The following GTF2H1 variants were observed in gnomAD, a reference collection of about 807,000 sequenced individuals.
GTF2H1 encodes BTF2 p62.
In GTF2H1, 16 loss-of-function variants were observed where a neutral mutation model predicts 71.2. The ratio of observed to expected loss-of-function variants is 0.22; its 90% CI spans 0.15 to 0.34. The LOEUF is 0.34. Ranked by LOEUF, GTF2H1 falls within the 10% of genes least tolerant of loss-of-function variation. The pLI is 1.00. For missense variants in GTF2H1, 498 were observed against 648.2 expected (o/e 0.77, Z 2.52); for synonymous variants, 215 against 219.0 (o/e 0.98, Z 0.16).
At chr11:18,333,818 T>C (rs778373134) in intron 2 of GTF2H1, among the ~76,000 whole-genome samples, 5 of 152,230 alleles carry the variant, frequency 3.3e-5, no homozygotes, top group Non-Finnish European at 5.9e-5. Context: ...TGCTGATAGA[T>C]GATGCCAGAT....
chr11:18,346,733 C>CTTTTTT lies in GTF2H1; in HGVS notation c.838-838_838-833dup, dbSNP rs35494754. Among the ~76,000 whole-genome samples, 48 of 85,226 alleles carry CTTTTTT rather than the reference C, an allele frequency of 5.6e-4. 1 individual carries two copies. Among genetic ancestry groups the CTTTTTT allele is most frequent in the East Asian group, 2.5e-3 (6 of 2,430 alleles). The allele number at this position is 85,226 out of a possible 152,430, so 55.9% of individuals were successfully genotyped here. On this transcript the variant is annotated intron_variant, in intron 7 of 14. Coordinates refer to ENST00000265963, the MANE Select transcript of GTF2H1 (RefSeq NM_005316.4). ...CACTATATTCTATTCTTTTTATTTA[C>CTTTTTT]TTTTTTTTTTTTTTTTTTTTTTGAG...
At chr11:18,330,669 C>G (rs117819607) in intron 1 of GTF2H1, among the ~76,000 whole-genome samples, 1 of 152,292 alleles carries the variant, frequency 6.6e-6, no homozygotes, top group Non-Finnish European at 1.5e-5. Context: ...CCTGCTCCCA[C>G]CAGCCTGACT....
intron 7 of GTF2H1, among the ~76,000 whole-genome samples, chr11:18,345,718 A>G (rs1387173617): frequency 2.0e-5 from 3 of 151,514 alleles, no homozygotes; most frequent in South Asian, 2.1e-4. Flanking sequence ...TGAATTCCCA[A>G]CCTCAGGTGA....
chr11:18,365,062 T>A (rs1351482178), intron 14 of GTF2H1, among the ~76,000 whole-genome samples: 2 of 124,996 alleles, frequency 1.6e-5, no homozygotes, highest in Non-Finnish European at 1.6e-5. Flanking sequence ...AGAGTCCATC[T>A]CCACTATTTA....
At chr11:18,357,260 C>T (rs538848083) in intron 11 of GTF2H1, among the ~76,000 whole-genome samples, 3 of 152,274 alleles carry the variant, frequency 2.0e-5, no homozygotes, top group East Asian at 3.9e-4. Context: ...AGGCACTCAT[C>T]GAATAGATAG....
In GTF2H1 at chr11:18,366,316, T is replaced by C. The variant is rs1865822180; in HGVS notation, c.*447T>C. 1 of 155,422 alleles carries C rather than the reference T, an allele frequency of 6.4e-6. No homozygotes were observed. Among genetic ancestry groups the C allele is most frequent in the African/African-American group, 2.4e-5 (1 of 41,514 alleles). The allele number at this position is 155,422 out of a possible 1,614,324, so 9.6% of individuals were successfully genotyped here. A position where few individuals can be genotyped will look rare whatever the true frequency, so the allele number is the denominator to read the frequency against. On this transcript the variant is annotated 3_prime_UTR_variant, in exon 15 of 15. Transcript: ENST00000265963. ...TGTGTACATTTTTTTCCTAAGTTTA[T>C]GGCACAGGGTAGACCTTAAGTATTC... is the stretch of plus-strand genomic sequence containing the variant.
At chr11:18,344,011 A>T (rs1035035823) in intron 7 of GTF2H1, among the ~76,000 whole-genome samples, 2 of 152,060 alleles carry the variant, frequency 1.3e-5, no homozygotes, top group Non-Finnish European at 2.9e-5. Flanking sequence ...TTTTTTGTAG[A>T]GACAGGGTCT....
chr11:18,341,639 AAG>A lies in GTF2H1; in HGVS notation c.837+35_837+36del, dbSNP rs113102272. On this transcript the variant is annotated intron_variant, in intron 7 of 14. Coordinates refer to ENST00000265963, the MANE Select transcript of GTF2H1 (RefSeq NM_005316.4). ...AGCAATAAAAGAAGTTTTGAGAGAA[AAG>A]AGTCTTTTCCTAGTCTTCAACATTG... 11,028 of 1,387,938 alleles carry A rather than the reference AAG, an allele frequency of 7.9e-3. 386 individuals are homozygous for A. Among genetic ancestry groups the A allele is most frequent in the South Asian group, 0.077 (6,270 of 81,920 alleles). 86.0% of individuals were successfully genotyped at this position (1,387,938 alleles called of 1,614,324 possible).
chr11:18,359,234 A>C (rs1054288097), intron 13 of GTF2H1, among the ~76,000 whole-genome samples: 1 of 152,228 alleles, frequency 6.6e-6, no homozygotes, highest in African/African-American at 2.4e-5. Flanking sequence ...CAGATAAATT[A>C]CAGCTACAGT....
chr11:18,363,573 C>T (rs773970692), intron 14 of GTF2H1, among the ~76,000 whole-genome samples: 1 of 152,098 alleles, frequency 6.6e-6, no homozygotes, highest in African/African-American at 2.4e-5. Context: ...GGGAGTTTTA[C>T]AATTGAAAGC....
intron 4 of GTF2H1, among the ~76,000 whole-genome samples, chr11:18,339,005 GA>G (rs1439617266): frequency 6.6e-6 from 1 of 152,002 alleles, no homozygotes; most frequent in Non-Finnish European, 1.5e-5. Context: ...CCATATTATA[GA>G]AAATGTAAGA....
intron 3 of GTF2H1, among the ~76,000 whole-genome samples, chr11:18,337,895 C>T (rs1865070783): frequency 6.6e-6 from 1 of 152,118 alleles, no homozygotes; most frequent in East Asian, 1.9e-4. Context: ...TTACACCTAC[C>T]TCCATTTATC....
intron 7 of GTF2H1, among the ~76,000 whole-genome samples, chr11:18,344,985 C>T (rs763072679): frequency 6.6e-6 from 1 of 150,818 alleles, no homozygotes; most frequent in Non-Finnish European, 1.5e-5. Context: ...GTGGGAGGAT[C>T]GTTTGAGTCC....
rs537912138 is a variant in GTF2H1, at chr11:18,332,482, C to T, written c.-15-578C>T. ...AGGCATTATACCAATGAATCATGGC[C>T]AAGACGTGGAGAGCAGTTGAAGACA... On this transcript the variant is annotated intron_variant, in intron 1 of 14. Coordinates refer to ENST00000265963, the MANE Select transcript of GTF2H1 (RefSeq NM_005316.4). Among the ~76,000 whole-genome samples the T allele has an allele frequency of 7.2e-5, 11 of 152,254 alleles. No homozygotes were observed. In the South Asian group the frequency reaches 2.1e-3, roughly 29 times the overall value.
intron 14 of GTF2H1, among the ~76,000 whole-genome samples, chr11:18,364,873 A>G (rs965899193): frequency 4.6e-5 from 7 of 152,138 alleles, no homozygotes; most frequent in Non-Finnish European, 8.8e-5. Flanking sequence ...CTTGGGTCTC[A>G]TCCCAGGCCT....
chr11:18,347,708 A>G lies in GTF2H1; in HGVS notation c.958A>G (p.Arg320Gly), dbSNP rs1865329292. The change falls in exon 8 of 15, where the codon AGA (arginine) becomes GGA (glycine). Residue 320 changes from arginine to glycine, a missense_variant. Arg to Gly is a moderately radical substitution (Grantham distance 125, BLOSUM62 -2). Transcript: ENST00000265963. ...HSAMVLAAGL[R>G]KQEAQNEQTS... ...TGCCATGGTCCTGGCAGCTGGACTC[A>G]GAAAACAGTTAAGTATAAATGCAGA... 1.9e-6 allele frequency: 3 copies of G among 1,613,608 alleles called. No homozygotes were observed. Among genetic ancestry groups the G allele is most frequent in the Non-Finnish European group, 1.7e-6 (2 of 1,179,792 alleles).
chr11:18,358,430 T>A, intron 12 of GTF2H1, 95 bp from the exon 13 acceptor site: 1 of 704,690 alleles, frequency 1.4e-6, no homozygotes, highest in Non-Finnish European at 2.5e-6. Context: ...TGACAAAGAG[T>A]ACACATTCAA....
At position 18,366,405 on chromosome 11, in the gene GTF2H1, C is replaced by T. The variant is rs2133997818; in HGVS notation, c.*536C>T. 1 of 152,508 alleles carries T rather than the reference C, an allele frequency of 6.6e-6. No homozygotes were observed. The highest frequency in any genetic ancestry group is 1.9e-4 in the East Asian group (1 of 5,168). 9.4% of individuals were successfully genotyped at this position (152,508 alleles called of 1,614,324 possible). A position where few individuals can be genotyped will look rare whatever the true frequency, so the allele number is the denominator to read the frequency against. On this transcript the variant is annotated 3_prime_UTR_variant, in exon 15 of 15. Transcript: ENST00000265963. ...CAAGTTTTAATGAATTCCAATTATA[C>T]CTTACATCAGCAAGTTAAAAAAAGT...
At chr11:18,346,391 G>T (rs957906134) in intron 7 of GTF2H1, among the ~76,000 whole-genome samples, 4 of 151,972 alleles carry the variant, frequency 2.6e-5, no homozygotes, top group Non-Finnish European at 1.5e-5. Context: ...CGATCTACTT[G>T]GCAAGCACCA....
Sources: allele counts gnomAD v4.1 joint callset (sites outside exome capture counted in the v4.1 genomes callset), GRCh38; gene constraint gnomAD v4.1.1; transcripts MANE v1.5; gene names NCBI Gene and HGNC (gene_info 2026-07-23, HGNC 2026-07-21).